Variants in ASXL2 observed in about 807,000 individuals in gnomAD.
ASXL2 encodes the protein putative Polycomb group protein ASXL2.
A neutral mutation model predicts 122.0 loss-of-function variants in ASXL2; 23 were observed. That is an observed-to-expected ratio of 0.19 (90% CI 0.14 to 0.27). The LOEUF (loss-of-function observed/expected upper bound fraction) is 0.27, where lower values mean the gene tolerates loss of function less well. Among genes scored for constraint, ASXL2 ranks in the 10% least tolerant of loss-of-function variants. ASXL2 has a pLI of 1.00. For synonymous variants in ASXL2, 650 were observed against 637.0 expected (o/e 1.02, Z -0.31); for missense variants, 1,518 against 1,713.8 (o/e 0.89, Z 2.02).
chr2:25,807,896 T>C (rs2089106236), intron 3 of ASXL2, among the ~76,000 whole-genome samples: 1 of 151,970 alleles, frequency 6.6e-6, no homozygotes, highest in Non-Finnish European at 1.5e-5. Context: ...GTGAAACAAC[T>C]TTTCTCACTT....
chr2:25,823,648 T>C (rs1358904923), intron 3 of ASXL2, among the ~76,000 whole-genome samples: 2 of 152,152 alleles, frequency 1.3e-5, no homozygotes, highest in Non-Finnish European at 2.9e-5. Context: ...TAAGAGTCTG[T>C]ACATTTAGAC....
At chr2:25,818,612 C>A (rs1334783324) in intron 3 of ASXL2, among the ~76,000 whole-genome samples, 1 of 152,136 alleles carries the variant, frequency 6.6e-6, no homozygotes, top group Non-Finnish European at 1.5e-5. Flanking sequence ...GCAGAAATAA[C>A]CCAAAGAATA....
rs546352636 is a variant in ASXL2, at chr2:25,742,130, G to T, written c.4207C>A (p.Arg1403Ser). 6.2e-7 allele frequency: 1 copy of T among 1,613,988 alleles called. No individual in the cohort carries two copies. Among genetic ancestry groups the T allele is most frequent in the Admixed American group, 1.7e-5 (1 of 60,014 alleles). ...IEGTPSKCYC[R>S]LKAMIMCKGC... is the part of the protein sequence containing the mutation. ...TTGCACATGATCATGGCTTTCAAGC[G>T]GCAGTAACATTTCGAAGGCGTGCCC... Residue 1403 changes from arginine to serine, a missense_variant, in exon 13 of 13, where the codon CGC becomes AGC. This residue lies in a region of ASXL2 where 831 missense variants were observed against 833.1 expected (regional missense o/e 1.00). Transcript: ENST00000435504.
chr2:25,770,680 G>T (rs6751767), intron 6 of ASXL2, among the ~76,000 whole-genome samples: 37 of 151,766 alleles, frequency 2.4e-4, no homozygotes, highest in Non-Finnish European at 5.3e-4. Flanking sequence ...GCTTGAACCC[G>T]GGAGGCGGAG....
intron 5 of ASXL2, among the ~76,000 whole-genome samples, chr2:25,798,114 T>C (rs2088937941): frequency 1.3e-5 from 2 of 152,116 alleles, no homozygotes; most frequent in Admixed American, 1.3e-4. Context: ...AAGTGGGAGC[T>C]AAATGATGAG....
intron 3 of ASXL2, among the ~76,000 whole-genome samples, chr2:25,808,426 G>C (rs1302250046): frequency 6.6e-6 from 1 of 152,166 alleles, no homozygotes; most frequent in Non-Finnish European, 1.5e-5. Flanking sequence ...TTCATCTCCT[G>C]GGTTCAAGAG....
chr2:25,739,235 TTTC>T lies in ASXL2; in HGVS notation c.*2791_*2793del. ...AATAAGCTCAGCATTTATTAAAACT[TTTC>T]AGATTGGGATGAAAGGTAAAACAAC... On this transcript the variant is annotated 3_prime_UTR_variant, in exon 13 of 13. Coordinates refer to ENST00000435504, the MANE Select transcript of ASXL2 (RefSeq NM_018263.6). 1 of 156,706 alleles carries T rather than the reference TTTC, an allele frequency of 6.4e-6. No homozygotes were observed. Among genetic ancestry groups the T allele is most frequent in the South Asian group, 2.1e-4 (1 of 4,872 alleles). 9.7% of individuals were successfully genotyped at this position (156,706 alleles called of 1,614,324 possible).
chr2:25,749,508 T>C (rs1264628238), intron 12 of ASXL2, among the ~76,000 whole-genome samples, 188 bp downstream of exon 12: 3 of 152,228 alleles, frequency 2.0e-5, no homozygotes, highest in Non-Finnish European at 4.4e-5. Flanking sequence ...AAGACCTGTA[T>C]GTAGGACTGC....
chr2:25,808,604 T>C lies in ASXL2; in HGVS notation c.144-2267A>G, dbSNP rs1432196705. 3.9e-5 allele frequency among the ~76,000 whole-genome samples: 6 copies of C among 152,218 alleles called. No homozygotes were observed. In the East Asian group the frequency reaches 1.2e-3, roughly 29 times the overall value. Reference sequence around the variant, plus strand: ...ACCTCAGCCTCCCAGAGTGCTCGGATTACAGGTGTTAGCCACTGCGCCTGG... The same window carrying C: ...ACCTCAGCCTCCCAGAGTGCTCGGACTACAGGTGTTAGCCACTGCGCCTGG... On this transcript the variant is annotated intron_variant, in intron 3 of 12. Transcript: ENST00000435504.
intron 1 of ASXL2, chr2:25,856,711 A>G: frequency 7.7e-7 from 1 of 1,297,022 alleles, no homozygotes; most frequent in Non-Finnish European, 1.1e-6. Context: ...ACCTGGATCG[A>G]TTCAGTCACC....
intron 3 of ASXL2, among the ~76,000 whole-genome samples, chr2:25,832,294 C>G (rs1401820406): frequency 6.6e-6 from 1 of 152,132 alleles, no homozygotes; most frequent in African/African-American, 2.4e-5. Context: ...TGATTATCAG[C>G]AGACTGTGAT....
chr2:25,855,526 G>A (rs902021128), intron 1 of ASXL2, among the ~76,000 whole-genome samples: 1 of 152,176 alleles, frequency 6.6e-6, no homozygotes, highest in Non-Finnish European at 1.5e-5. Flanking sequence ...AAAATGAGCT[G>A]GGTGTGGTGG....
intron 3 of ASXL2, chr2:25,810,638 T>C: frequency 2.5e-6 from 2 of 788,246 alleles, no homozygotes; most frequent in Non-Finnish European, 2.2e-6. Context: ...ACTGCCTCAA[T>C]AGTGGTGATC....
Position 25,744,603 on chromosome 2 carries a change from T to C in ASXL2, c.1861-127A>G. 1.8e-6 allele frequency: 2 copies of C among 1,130,878 alleles called. No homozygotes were observed. Among genetic ancestry groups the C allele is most frequent in the Non-Finnish European group, 2.4e-6 (2 of 824,070 alleles). 70.1% of individuals were successfully genotyped at this position (1,130,878 alleles called of 1,614,324 possible). ...CAGTACCTGTGACAAACATGGGTGG[T>C]CTATGGCCGAGAGGCCAAACCTTGG... is the stretch of plus-strand genomic sequence containing the variant. On this transcript the variant is annotated intron_variant, in intron 12 of 12. Transcript: ENST00000435504. This position sits in a 1 kb window ranked among gnomAD's most constrained non-coding sequence, Gnocchi z 4.7.
At chr2:25,827,822 C>T (rs2089396328) in intron 3 of ASXL2, among the ~76,000 whole-genome samples, 1 of 151,976 alleles carries the variant, frequency 6.6e-6, no homozygotes, top group South Asian at 2.1e-4. Context: ...AGCAGATGGG[C>T]ACAGAACAAA....
intron 1 of ASXL2, among the ~76,000 whole-genome samples, chr2:25,861,563 T>A (rs1213609859): frequency 6.6e-6 from 1 of 152,178 alleles, no homozygotes; most frequent in African/African-American, 2.4e-5. Context: ...TTCTCTACAA[T>A]ATCTTCCAGA....
At chr2:25,851,381 T>C (rs1463359936) in intron 1 of ASXL2, among the ~76,000 whole-genome samples, 1 of 152,222 alleles carries the variant, frequency 6.6e-6, no homozygotes, top group African/African-American at 2.4e-5. Context: ...ATTCATTGGC[T>C]ATTGTCCACT....
At position 25,739,869 on chromosome 2, in the gene ASXL2, T is replaced by TCCAGCATGCAGACCAGCCCTCGGC; in HGVS notation, c.*2136_*2159dup. ...ATCAATTCCAAAACTCTCAACCTCT[T>TCCAGCATGCAGACCAGCCCTCGGC]CCAGCATGCAGACCAGCCCTCGGCC... is the stretch of plus-strand genomic sequence containing the variant. On this transcript the variant is annotated 3_prime_UTR_variant, in exon 13 of 13. Coordinates refer to ENST00000435504, the MANE Select transcript of ASXL2 (RefSeq NM_018263.6). 4.6e-6 allele frequency: 1 copy of TCCAGCATGCAGACCAGCCCTCGGC among 219,452 alleles called. No homozygotes were observed. Among genetic ancestry groups the TCCAGCATGCAGACCAGCCCTCGGC allele is most frequent in the East Asian group, 6.7e-5 (1 of 15,020 alleles). 13.6% of individuals were successfully genotyped at this position (219,452 alleles called of 1,614,324 possible).
At chr2:25,772,891 A>G (rs1574408460) in intron 5 of ASXL2, among the ~76,000 whole-genome samples, 1 of 152,304 alleles carries the variant, frequency 6.6e-6, no homozygotes, top group Middle Eastern at 3.4e-3. Context: ...AGATGCATTT[A>G]AAGAAGATAG....
Sources: allele counts gnomAD v4.1 joint callset (sites outside exome capture counted in the v4.1 genomes callset), GRCh38; gene constraint gnomAD v4.1.1; regional missense constraint gnomAD v4.1.1; non-coding constraint Gnocchi (gnomAD v3.1); transcripts MANE v1.5; gene names NCBI Gene and HGNC (gene_info 2026-07-23, HGNC 2026-07-21).